The following DMRT2 variants were observed in gnomAD, a reference collection of about 807,000 sequenced individuals.
The protein encoded by DMRT2 is doublesex and mab-3 related transcription factor 2.
In DMRT2, 33 loss-of-function variants were observed where a neutral mutation model predicts 43.5. The ratio of observed to expected loss-of-function variants is 0.76; its 90% CI spans 0.58 to 1.01. The LOEUF is 1.01. Among genes scored for constraint, DMRT2 ranks in the 50% least tolerant of loss-of-function variants. The probability of loss-of-function intolerance (pLI) is 0.00; values close to 1 mark genes in which losing one functional copy is unlikely to be tolerated. For synonymous variants in DMRT2, 395 were observed against 309.2 expected, an observed-to-expected ratio of 1.28 and a Z score of -2.91; for missense variants, 1,064 against 748.0, an observed-to-expected ratio of 1.42 and a Z score of -4.93.
In DMRT2 at chr9:1,050,364, C is replaced by T. The variant is rs761907391; in HGVS notation, c.-456C>T. The T allele has an allele frequency of 6.6e-6, 1 of 152,264 alleles. No individual in the cohort carries two copies. Among genetic ancestry groups the T allele is most frequent in the Non-Finnish European group, 1.5e-5 (1 of 68,100 alleles). 9.4% of individuals were successfully genotyped at this position (152,264 alleles called of 1,614,324 possible). A position where few individuals can be genotyped will look rare whatever the true frequency, so the allele number is the denominator to read the frequency against. ...AGTCTGCAGACTGAAGCCAGTGGCG[C>T]TGCGCTGAATGCAACTGCGCGCGCC... On this transcript the variant is annotated 5_prime_UTR_variant, in exon 1 of 4. Transcript: ENST00000358146.
chr9:1,057,071 C>A lies in DMRT2; in HGVS notation c.1484C>A (p.Ala495Asp), dbSNP rs371521290. Residue 495 changes from alanine (A) to aspartate (D), a missense_variant, in exon 4 of 4, where the codon GCC becomes GAC. Ala to Asp is a moderately radical substitution (Grantham distance 126). Coordinates refer to ENST00000358146, the MANE Select transcript of DMRT2 (RefSeq NM_181872.6). Reference protein sequence around the residue: ...PELKTPFVKEAFEETPKKHRE... With the variant: ...PELKTPFVKEDFEETPKKHRE... ...TTGAAAACACCATTTGTCAAAGAGG[C>A]CTTTGAAGAGACCCCTAAGAAACAC... is the stretch of plus-strand genomic sequence containing the variant. 1 of 1,614,128 alleles carries A rather than the reference C, an allele frequency of 6.2e-7. No homozygotes were observed. The highest frequency in any genetic ancestry group is 1.1e-5 in the South Asian group (1 of 91,068).
At chr9:1,054,557 C>G (rs2130224626) in intron 3 of DMRT2, 1 of 152,276 alleles carries the variant, frequency 6.6e-6, no homozygotes, top group East Asian at 1.9e-4. Flanking sequence ...TGCGAAATCT[C>G]TAGCTTTCTG....
In DMRT2 at chr9:1,051,706, G is replaced by C. The variant is rs1256412984; in HGVS notation, c.93G>C (p.Arg31=). 1 of 1,549,436 alleles carries C rather than the reference G, an allele frequency of 6.5e-7. No individual in the cohort carries two copies. The highest frequency in any genetic ancestry group is 2.5e-5 in the East Asian group (1 of 40,580). ...ELEEDVCGAP[R]STPPGPSPPP... ...AAGAGGACGTCTGCGGGGCGCCGCG[G>C]TCCACGCCCCCCGGGCCCAGCCCGC... The change falls in exon 2 of 4, where the codon CGG becomes CGC. Residue 31 remains arginine (R), a synonymous_variant. Coordinates refer to ENST00000358146, the MANE Select transcript of DMRT2 (RefSeq NM_181872.6). This position sits in a 1 kb window ranked among gnomAD's most constrained non-coding sequence, Gnocchi z 5.9.
chr9:1,055,807 T>C (rs1288781179), intron 3 of DMRT2: 1 of 1,507,802 alleles, frequency 6.6e-7, no homozygotes, highest in Non-Finnish European at 8.9e-7. Flanking sequence ...TAGGTATAGA[T>C]ATATTTTTTA....
intron 2 of DMRT2, among the ~76,000 whole-genome samples, chr9:1,052,421 T>C (rs535174767): frequency 1.4e-4 from 22 of 152,046 alleles, no homozygotes; most frequent in Admixed American, 5.2e-4. Flanking sequence ...AAAATCAATG[T>C]TTTTATTTTT....
intron 3 of DMRT2, among the ~76,000 whole-genome samples, 175 bp downstream of exon 3, chr9:1,053,999 G>A (rs549220259): frequency 2.7e-4 from 41 of 152,278 alleles, no homozygotes; most frequent in Admixed American, 2.3e-3. Flanking sequence ...GAACCCGTAC[G>A]GAGAAGATTA....
chr9:1,052,060 C>A lies in DMRT2; in HGVS notation c.447C>A (p.Cys149Ter). The change falls in exon 2 of 4, where the codon TGC (cysteine) becomes TGA (stop). Residue 149 changes from cysteine to a stop codon, truncating the protein, a stop_gained. Coordinates refer to ENST00000358146, the MANE Select transcript of DMRT2 (RefSeq NM_181872.6). LOFTEE classifies it high-confidence loss of function. ...TCTGTCGCTGGCGCGACTGCCAGTG[C>A]GCCAACTGCCTGCTGGTGGTGGAGC... is the stretch of plus-strand genomic sequence containing the variant. ...KRFCRWRDCQCANCLLVVERQ... is the reference protein window; with the variant it reads ...KRFCRWRDCQ 1 of 1,469,048 alleles carries A rather than the reference C, an allele frequency of 6.8e-7. No individual in the cohort carries two copies. Among genetic ancestry groups the A allele is most frequent in the Non-Finnish European group, 9.0e-7 (1 of 1,116,344 alleles). The allele number at this position is 1,469,048 out of a possible 1,614,324, so 91.0% of individuals were successfully genotyped here. A position where few individuals can be genotyped will look rare whatever the true frequency, so the allele number is the denominator to read the frequency against.
In DMRT2 at chr9:1,056,595, C is replaced by G. The variant is rs1822006958; in HGVS notation, c.1008C>G (p.Pro336=). Residue 336 remains proline, a synonymous_variant, in exon 4 of 4, where the codon CCC becomes CCG. Transcript: ENST00000358146. ...VSVATTYRQY[P]LSSRFLVWPK... is the part of the protein sequence containing the mutation. ...TGGCCACAACTTATAGACAGTATCC[C>G]TTGTCCTCAAGATTTTTAGTTTGGC... 6.2e-7 allele frequency: 1 copy of G among 1,614,202 alleles called. No individual in the cohort carries two copies. Among genetic ancestry groups the G allele is most frequent in the South Asian group, 1.1e-5 (1 of 91,076 alleles).
Position 1,056,708 on chromosome 9 carries a change from C to T in DMRT2, c.1121C>T (p.Ala374Val). 1 of 1,614,152 alleles carries T rather than the reference C, an allele frequency of 6.2e-7. No homozygotes were observed. Among genetic ancestry groups the T allele is most frequent in the South Asian group, 1.1e-5 (1 of 91,072 alleles). ...TTSVQALKPG[A>V]SWDLKGARVQ... ...TCAGTTCAAGCCCTGAAGCCTGGGG[C>T]CAGCTGGGACTTGAAGGGAGCACGA... Residue 374 changes from alanine (A) to valine (V), a missense_variant, in exon 4 of 4, where the codon GCC becomes GTC. Coordinates refer to ENST00000358146, the MANE Select transcript of DMRT2 (RefSeq NM_181872.6).
At position 1,054,072 on chromosome 9, in the gene DMRT2, C is replaced by G. The variant is rs190451114; in HGVS notation, c.628+248C>G. On this transcript the variant is annotated intron_variant, in intron 3 of 3. Coordinates refer to ENST00000358146, the MANE Select transcript of DMRT2 (RefSeq NM_181872.6). ...GAAACCGCCACCTGGGAAAATGAAT[C>G]TCACATACCTCCTGAGGTTTCTGTC... 1.5e-3 allele frequency among the ~76,000 whole-genome samples: 224 copies of G among 152,262 alleles called. 1 individual carries two copies. The highest frequency in any genetic ancestry group is 5.2e-3 in the African/African-American group (215 of 41,550).
At chr9:1,052,418 A>T (rs1427171896) in intron 2 of DMRT2, among the ~76,000 whole-genome samples, 3 of 152,082 alleles carry the variant, frequency 2.0e-5, no homozygotes, top group South Asian at 2.1e-4. Flanking sequence ...GAGAAAATCA[A>T]TGTTTTTATT....
rs1377320078 is a variant in DMRT2 at position 1,050,477 on chromosome 9, A to C, written c.-343A>C. On this transcript the variant is annotated 5_prime_UTR_variant, in exon 1 of 4. Coordinates refer to ENST00000358146, the MANE Select transcript of DMRT2 (RefSeq NM_181872.6). ...GTCAGAGGAAGCCGAAAGCGGCCTCAGCAAGGTGAGGCGCCCGAGGCTGCA... is the reference window on the plus strand; with the variant it reads ...GTCAGAGGAAGCCGAAAGCGGCCTCCGCAAGGTGAGGCGCCCGAGGCTGCA... The C allele has an allele frequency of 6.6e-6, 1 of 152,282 alleles. No individual in the cohort carries two copies. Among genetic ancestry groups the C allele is most frequent in the Non-Finnish European group, 1.5e-5 (1 of 68,066 alleles). 9.4% of individuals were successfully genotyped at this position (152,282 alleles called of 1,614,324 possible).
chr9:1,053,877 A>C, intron 3 of DMRT2, 53 bp downstream of exon 3: 504 of 1,404,232 alleles, frequency 3.6e-4, no homozygotes, highest in Non-Finnish European at 4.6e-4. Flanking sequence ...AGTGACTCTC[A>C]TTAATCAGCA....
intron 3 of DMRT2, chr9:1,054,652 G>C (rs1257100907): frequency 1.3e-5 from 2 of 151,880 alleles, no homozygotes; most frequent in Non-Finnish European, 1.5e-5. Flanking sequence ...ATCTCTATTT[G>C]GGTATGGAAT....
At chr9:1,056,181 T>A in intron 3 of DMRT2, 35 bp from the exon 4 acceptor site, 1 of 1,562,006 alleles carries the variant, frequency 6.4e-7, no homozygotes, top group Non-Finnish European at 8.6e-7. Context: ...CCGTAGATGT[T>A]AATCTCTTTC....
At position 1,056,284 on chromosome 9, in the gene DMRT2, A is replaced by C. The variant is rs745742270; in HGVS notation, c.697A>C (p.Arg233=). 6.2e-7 allele frequency: 1 copy of C among 1,614,234 alleles called. No individual in the cohort carries two copies. The highest frequency in any genetic ancestry group is 8.5e-7 in the Non-Finnish European group (1 of 1,180,042). Residue 233 remains arginine, a synonymous_variant, in exon 4 of 4, where the codon AGG becomes CGG. Coordinates refer to ENST00000358146, the MANE Select transcript of DMRT2 (RefSeq NM_181872.6). ...TFPLPPPVSD[R]MRKRRAFADK... is the part of the protein sequence containing the mutation. ...CCCTCTACCTCCCCCAGTTAGTGAC[A>C]GGATGAGGAAAAGAAGAGCCTTTGC...
Position 1,056,611 on chromosome 9 carries a change from T to C in DMRT2, c.1024T>C (p.Leu342=). Residue 342 remains leucine, a synonymous_variant, in exon 4 of 4, where the codon TTA becomes CTA. Transcript: ENST00000358146. ...ACAGTATCCCTTGTCCTCAAGATTT[T>C]TAGTTTGGCCCAAGTGTGGCCCCAT... The part of the protein sequence containing the change: ...YRQYPLSSRF[L]VWPKCGPISD... The C allele has an allele frequency of 6.2e-7, 1 of 1,614,176 alleles. No individual in the cohort carries two copies. Among genetic ancestry groups the C allele is most frequent in the Non-Finnish European group, 8.5e-7 (1 of 1,180,036 alleles).
chr9:1,053,026 G>T (rs72703233), intron 2 of DMRT2: 12,653 of 152,404 alleles, frequency 0.083, 1,755 homozygotes, highest in African/African-American at 0.29. Flanking sequence ...TGGGCACCTG[G>T]TCCTGGGCTT....
At position 1,057,041 on chromosome 9, in the gene DMRT2, C is replaced by T. The variant is rs1196426488; in HGVS notation, c.1454C>T (p.Pro485Leu). 1.2e-6 allele frequency: 2 copies of T among 1,614,056 alleles called. No individual in the cohort carries two copies. Among genetic ancestry groups the T allele is most frequent in the African/African-American group, 2.7e-5 (2 of 74,910 alleles). ...FQQTLTDKSGPELKTPFVKEA... is the reference protein window; with the variant it reads ...FQQTLTDKSGLELKTPFVKEA... ...CAAACACTTACTGACAAATCGGGTCCTGAGTTGAAAACACCATTTGTCAAA... is the reference window on the plus strand; with the variant it reads ...CAAACACTTACTGACAAATCGGGTCTTGAGTTGAAAACACCATTTGTCAAA... The change falls in exon 4 of 4, where the codon CCT (proline) becomes CTT (leucine). Residue 485 changes from proline to leucine, a missense_variant. By Grantham distance (98) the Pro-to-Leu change is moderately conservative. Coordinates refer to ENST00000358146, the MANE Select transcript of DMRT2 (RefSeq NM_181872.6).
Sources: allele counts gnomAD v4.1 joint callset (sites outside exome capture counted in the v4.1 genomes callset), GRCh38; gene constraint gnomAD v4.1.1; non-coding constraint Gnocchi (gnomAD v3.1); transcripts MANE v1.5; gene names NCBI Gene and HGNC (gene_info 2026-07-23, HGNC 2026-07-21).